Variants in TRHDE observed in about 807,000 individuals in gnomAD.
The protein encoded by TRHDE is thyrotropin releasing hormone degrading enzyme, also known as thyrotropin-releasing hormone-degrading ectoenzyme.
A neutral mutation model predicts 125.7 loss-of-function variants in TRHDE; 72 were observed. The ratio of observed to expected loss-of-function variants is 0.57; its 90% confidence interval spans 0.47 to 0.70. TRHDE has a LOEUF of 0.70. Ranked by LOEUF, TRHDE falls within the 30% of genes least tolerant of loss-of-function variation. The pLI, the probability that TRHDE is intolerant of heterozygous loss-of-function variation, is 0.00. For synonymous variants in TRHDE, 509 were observed against 509.1 expected, an observed-to-expected ratio of 1.00 and a Z score of 0.00; for missense variants, 1,110 against 1,327.1, an observed-to-expected ratio of 0.84 and a Z score of 2.54.
At chr12:72,243,809 T>C (rs920072969) in intron 2 of TRHDE, among the ~76,000 whole-genome samples, 2 of 152,214 alleles carry the variant, frequency 1.3e-5, no homozygotes, top group African/African-American at 4.8e-5. Context: ...CTTTTGAAAT[T>C]ATTGAGTTCT....
At chr12:72,270,199 G>A (rs1879164699), upstream of TRHDE, among the ~76,000 whole-genome samples, 1 of 152,162 alleles carries the variant, frequency 6.6e-6, no homozygotes, top group African/African-American at 2.4e-5. Flanking sequence ...CAAGAGTACA[G>A]ACATTTAAAA....
chr12:72,609,108 G>T (rs1872550540), intron 12 of TRHDE, among the ~76,000 whole-genome samples: 1 of 152,106 alleles, frequency 6.6e-6, no homozygotes, highest in African/African-American at 2.4e-5. Flanking sequence ...TCTACATAAG[G>T]CTCTCTGCTC....
chr12:72,625,171 T>C (rs1873208038), intron 15 of TRHDE, among the ~76,000 whole-genome samples: 1 of 151,900 alleles, frequency 6.6e-6, no homozygotes, highest in African/African-American at 2.4e-5. Context: ...AAATATGGTA[T>C]TATAGGGTTT....
At chr12:72,248,215 C>T (rs1878611645) in intron 2 of TRHDE, among the ~76,000 whole-genome samples, 1 of 151,970 alleles carries the variant, frequency 6.6e-6, no homozygotes, top group South Asian at 2.1e-4. Context: ...GTCAAGAGAT[C>T]GAGATCATCC....
At chr12:72,330,622 G>A (rs1869550846) in intron 2 of TRHDE, among the ~76,000 whole-genome samples, 1 of 152,318 alleles carries the variant, frequency 6.6e-6, no homozygotes, top group South Asian at 2.1e-4. Context: ...ACTCTCAAAG[G>A]CTGGCAGTTA....
intron 2 of TRHDE, among the ~76,000 whole-genome samples, chr12:72,262,189 G>A (rs1482230401): frequency 6.6e-6 from 1 of 152,128 alleles, no homozygotes; most frequent in Non-Finnish European, 1.5e-5. Flanking sequence ...ATATGTACAA[G>A]GCATTTCAGG....
At chr12:72,215,647 T>G (rs572837486) in intron 2 of TRHDE, among the ~76,000 whole-genome samples, 5 of 152,318 alleles carry the variant, frequency 3.3e-5, no homozygotes, top group Admixed American at 2.6e-4. Context: ...CAAGGCTTAT[T>G]ATGATTTAGA....
intron 3 of TRHDE, among the ~76,000 whole-genome samples, chr12:72,415,077 G>C (rs531649269): frequency 2.6e-5 from 4 of 152,024 alleles, no homozygotes; most frequent in Non-Finnish European, 5.9e-5. Flanking sequence ...TTAGTATTTT[G>C]GAAGTGGAGT....
chr12:72,316,913 T>C (rs1018279830), intron 2 of TRHDE, among the ~76,000 whole-genome samples: 4 of 152,190 alleles, frequency 2.6e-5, no homozygotes, highest in Admixed American at 2.0e-4. Flanking sequence ...CAAGCCCGAA[T>C]TCCTGAGAAA....
At chr12:72,243,203 C>T (rs867065560) in intron 2 of TRHDE, among the ~76,000 whole-genome samples, 1 of 152,234 alleles carries the variant, frequency 6.6e-6, no homozygotes, top group Admixed American at 6.5e-5. Flanking sequence ...ATGAATGCTA[C>T]TGGCTTTCCC....
chr12:72,522,931 A>G (rs1303634295), intron 6 of TRHDE, among the ~76,000 whole-genome samples: 1 of 152,078 alleles, frequency 6.6e-6, no homozygotes, highest in Non-Finnish European at 1.5e-5. Context: ...CTGCCCCTTT[A>G]TGGCAGTTTT....
intron 6 of TRHDE, among the ~76,000 whole-genome samples, chr12:72,520,324 T>C (rs1318028073): frequency 6.6e-6 from 1 of 152,156 alleles, no homozygotes; most frequent in African/African-American, 2.4e-5. Context: ...CCGAGCCAGG[T>C]GCGGGATATA....
intron 6 of TRHDE, among the ~76,000 whole-genome samples, chr12:72,516,057 T>G (rs2135955056): frequency 6.6e-6 from 1 of 151,928 alleles, no homozygotes; most frequent in East Asian, 1.9e-4. Context: ...TTGTGTAGTA[T>G]AGTTTGAAGT....
At chr12:72,533,359 G>T (rs1324692185) in intron 6 of TRHDE, among the ~76,000 whole-genome samples, 1 of 151,998 alleles carries the variant, frequency 6.6e-6, no homozygotes, top group African/African-American at 2.4e-5. Context: ...ATTTTTAGTA[G>T]AGATGGGGTT....
intron 2 of TRHDE, among the ~76,000 whole-genome samples, chr12:72,369,447 C>G (rs1174219037): frequency 6.6e-6 from 1 of 151,878 alleles, no homozygotes; most frequent in Non-Finnish European, 1.5e-5. Flanking sequence ...TTTGTGTTGT[C>G]AAGGGAAATA....
At chr12:72,599,177 G>A (rs1001162402) in intron 12 of TRHDE, among the ~76,000 whole-genome samples, 1 of 152,036 alleles carries the variant, frequency 6.6e-6, no homozygotes, top group African/African-American at 2.4e-5. Context: ...GAATAGTGCT[G>A]CAACAAACAT....
At chr12:72,598,556 T>C (rs1017881681) in intron 12 of TRHDE, among the ~76,000 whole-genome samples, 9 of 152,154 alleles carry the variant, frequency 5.9e-5, no homozygotes, top group African/African-American at 1.9e-4. Context: ...TTGTCCCTTA[T>C]ACAACCAAGT....
chr12:72,448,638 G>A (rs10735968), intron 3 of TRHDE, among the ~76,000 whole-genome samples: 43,046 of 151,688 alleles, frequency 0.28, 9,888 homozygotes, highest in African/African-American at 0.63. Context: ...GTTCTGAATT[G>A]TGACATTAAG....
intron 12 of TRHDE, among the ~76,000 whole-genome samples, chr12:72,599,889 T>A (rs992117616): frequency 6.6e-6 from 1 of 152,116 alleles, no homozygotes; most frequent in African/African-American, 2.4e-5. Context: ...TACATTTAAA[T>A]TTTTAATCCA....
Sources: allele counts gnomAD v4.1 joint callset (sites outside exome capture counted in the v4.1 genomes callset), GRCh38; gene constraint gnomAD v4.1.1; transcripts MANE v1.5; gene names NCBI Gene and HGNC (gene_info 2026-07-23, HGNC 2026-07-21).